ZCCHC14: variants seen among roughly 807,000 people sequenced by gnomAD.
ZCCHC14 encodes zinc finger CCHC-type containing 14, also known as zinc finger CCHC domain-containing protein 14.
In ZCCHC14, 16 loss-of-function variants were observed where a neutral mutation model predicts 85.0. The ratio of observed to expected loss-of-function variants is 0.19; its 90% CI spans 0.13 to 0.29. The LOEUF is 0.29. Ranked by LOEUF, ZCCHC14 falls within the 10% of genes least tolerant of loss-of-function variation. ZCCHC14 has a pLI of 1.00. For synonymous variants in ZCCHC14, 775 were observed against 630.7 expected (o/e 1.23, Z -3.43); for missense variants, 1,303 against 1,443.5 (o/e 0.90, Z 1.58).
At chr16:87,423,328 C>T (rs1909201122) in intron 4 of ZCCHC14, among the ~76,000 whole-genome samples, 2 of 152,144 alleles carry the variant, frequency 1.3e-5, no homozygotes, top group Non-Finnish European at 2.9e-5. Context: ...CTGCAGTGAG[C>T]TGTGATGATG....
chr16:87,421,724 G>A (rs1031403855), intron 4 of ZCCHC14, among the ~76,000 whole-genome samples: 1 of 152,186 alleles, frequency 6.6e-6, no homozygotes, highest in Non-Finnish European at 1.5e-5. Flanking sequence ...TCAGGCAGCA[G>A]CTGCCTTCAC....
At chr16:87,439,923 A>G (rs1436414033) in intron 2 of ZCCHC14, among the ~76,000 whole-genome samples, 1 of 152,220 alleles carries the variant, frequency 6.6e-6, no homozygotes, top group Non-Finnish European at 1.5e-5. Flanking sequence ...TTTAATTAAA[A>G]CGAACCAAAC....
rs925169872 is a variant in ZCCHC14 at position 87,414,280 on chromosome 16, C to T, written c.1603+134G>A. 30 of 1,330,466 alleles carry T rather than the reference C, an allele frequency of 2.3e-5. No homozygotes were observed. The Admixed American group carries it at 3.1e-4, about 14-fold the overall frequency. The allele number at this position is 1,330,466 out of a possible 1,614,324, so 82.4% of individuals were successfully genotyped here. On this transcript the variant is annotated intron_variant, in intron 10 of 12. Coordinates refer to ENST00000671377, the MANE Select transcript of ZCCHC14 (RefSeq NM_015144.3). ...ACGAGTAACCCACCTGCCCGGCACACGGGCCCTCTCTGTGTACGAGTAACC... is the reference window on the plus strand; with the variant it reads ...ACGAGTAACCCACCTGCCCGGCACATGGGCCCTCTCTGTGTACGAGTAACC...
intron 2 of ZCCHC14, among the ~76,000 whole-genome samples, chr16:87,442,651 TA>T (rs768637534): frequency 2.6e-5 from 4 of 152,114 alleles, no homozygotes; most frequent in Non-Finnish European, 4.4e-5. Context: ...AGCCTATGCA[TA>T]AGAAGCTCAA....
At position 87,408,516 on chromosome 16, in the gene ZCCHC14, G is replaced by A. The variant is rs1027572900; in HGVS notation, c.*1764C>T. 3.3e-5 allele frequency: 5 copies of A among 152,528 alleles called. No homozygotes were observed. Among genetic ancestry groups the A allele is most frequent in the African/African-American group, 1.2e-4 (5 of 41,424 alleles). The allele number at this position is 152,528 out of a possible 1,614,324, so 9.4% of individuals were successfully genotyped here. On this transcript the variant is annotated 3_prime_UTR_variant, in exon 13 of 13. Transcript: ENST00000671377. ...ATTTTGTAGTGTTTACAATTTAAGA[G>A]ATCAACGTAACATTCCCCTAAATAG...
intron 6 of ZCCHC14, 146 bp downstream of exon 6, chr16:87,419,637 T>C (rs1279635283): frequency 5.7e-6 from 3 of 529,042 alleles, no homozygotes; most frequent in Non-Finnish European, 9.2e-6. Flanking sequence ...GGTTTTTCCA[T>C]GTTGGTCAGG....
At chr16:87,431,489 A>AAAAG (rs1448126464) in intron 3 of ZCCHC14, among the ~76,000 whole-genome samples, 1 of 151,546 alleles carries the variant, frequency 6.6e-6, no homozygotes, top group African/African-American at 2.4e-5. Context: ...AAAAAAAAAA[A>AAAAG]AAGAAAAGAA....
chr16:87,435,115 T>G (rs1001706455), intron 2 of ZCCHC14, among the ~76,000 whole-genome samples: 2 of 152,136 alleles, frequency 1.3e-5, no homozygotes, highest in African/African-American at 4.8e-5. Flanking sequence ...ACATTATAAT[T>G]TTTTAAACGA....
chr16:87,486,999 A>G (rs1414907887), intron 1 of ZCCHC14, among the ~76,000 whole-genome samples: 9 of 152,270 alleles, frequency 5.9e-5, no homozygotes, highest in Admixed American at 5.9e-4. Flanking sequence ...GAAACCACTT[A>G]TACTTTGCCT....
At chr16:87,463,055 T>C (rs2150761932) in intron 1 of ZCCHC14, among the ~76,000 whole-genome samples, 1 of 146,426 alleles carries the variant, frequency 6.8e-6, no homozygotes, top group East Asian at 2.1e-4. Flanking sequence ...GCAACGAGAG[T>C]GAAACTCTGT....
chr16:87,489,292 C>G (rs1912646577), intron 1 of ZCCHC14, among the ~76,000 whole-genome samples: 1 of 152,134 alleles, frequency 6.6e-6, no homozygotes, highest in Admixed American at 6.5e-5. Context: ...TAATAATCCT[C>G]TCATTAAGGG....
intron 2 of ZCCHC14, among the ~76,000 whole-genome samples, chr16:87,443,248 C>A (rs922147419): frequency 6.6e-6 from 1 of 152,144 alleles, no homozygotes; most frequent in South Asian, 2.1e-4. Flanking sequence ...CACCTTCCAC[C>A]GGCACTGGTA....
chr16:87,480,612 C>T (rs982604268), intron 1 of ZCCHC14, among the ~76,000 whole-genome samples: 3 of 152,290 alleles, frequency 2.0e-5, no homozygotes, highest in Admixed American at 6.5e-5. Context: ...ACTTGTACTA[C>T]GGCGGCTTTT....
At chr16:87,449,513 A>C (rs909415500) in intron 2 of ZCCHC14, among the ~76,000 whole-genome samples, 12 of 152,044 alleles carry the variant, frequency 7.9e-5, no homozygotes, top group Non-Finnish European at 1.8e-4. Flanking sequence ...CCAATTCAGC[A>C]ACGCCACCAA....
chr16:87,492,907 CGCG>C lies in ZCCHC14; in HGVS notation c.-672_-670del, dbSNP rs766547110. Reference sequence around the variant, plus strand: ...CGCGGCGGACGGATCCGGGCCCGAGCGCGGCGGCGGCGGCGACGGCGACGGCGA... The same window carrying C: ...CGCGGCGGACGGATCCGGGCCCGAGCGCGGCGGCGGCGACGGCGACGGCGA... On this transcript the variant is annotated 5_prime_UTR_variant, in exon 1 of 13. Coordinates refer to ENST00000671377, the MANE Select transcript of ZCCHC14 (RefSeq NM_015144.3). This position sits in a 1 kb window ranked among gnomAD's most constrained non-coding sequence, Gnocchi z 6.7. Among the ~76,000 whole-genome samples, 47 of 148,080 alleles carry C rather than the reference CGCG, an allele frequency of 3.2e-4. No homozygotes were observed. The highest frequency in any genetic ancestry group is 9.8e-4 in the African/African-American group (40 of 40,624).
intron 2 of ZCCHC14, among the ~76,000 whole-genome samples, chr16:87,458,666 C>T (rs1341013608): frequency 6.6e-6 from 1 of 152,162 alleles, no homozygotes; most frequent in East Asian, 1.9e-4. Context: ...GTTATGAAGC[C>T]TGTGGAAGGC....
At position 87,463,184 on chromosome 16, in the gene ZCCHC14, T is replaced by A. The variant is rs539979916; in HGVS notation, c.571-3053A>T. Among the ~76,000 whole-genome samples the A allele has an allele frequency of 1.7e-4, 26 of 152,222 alleles. No homozygotes were observed. In the East Asian group the frequency reaches 4.6e-3, roughly 27 times the overall value. On this transcript the variant is annotated intron_variant, in intron 1 of 12. Transcript: ENST00000671377. The stretch of plus-strand genomic sequence containing the variant: ...ATCACTTGAGGCCACGAGTTCAAGG[T>A]CAGCCTAGGCAACATATTGAGACCC...
chr16:87,428,916 G>A (rs962619661), intron 3 of ZCCHC14, among the ~76,000 whole-genome samples: 1 of 152,216 alleles, frequency 6.6e-6, no homozygotes, highest in South Asian at 2.1e-4. Context: ...GTATTCCACT[G>A]CGTGGACATA....
Position 87,492,170 on chromosome 16 carries a change from C to A in ZCCHC14, c.69G>T (p.Pro23=), listed in dbSNP as rs1912797298. The change falls in exon 1 of 13, where the codon CCG becomes CCT. Residue 23 remains proline (P), a synonymous_variant. Transcript: ENST00000671377. This position sits in a 1 kb window ranked among gnomAD's most constrained non-coding sequence, Gnocchi z 6.7. ...VYRWFSELPS[P]QRVEFLCGLL... ...GGCCGCACAGGAACTCCACGCGCTG[C>A]GGCGACGGCAGCTCCGAGAACCAGC... The A allele has an allele frequency of 1.9e-5, 23 of 1,198,566 alleles. No individual in the cohort carries two copies. The highest frequency in any genetic ancestry group is 4.9e-5 in the Admixed American group (1 of 20,308). 74.2% of individuals were successfully genotyped at this position (1,198,566 alleles called of 1,614,324 possible).
Sources: gnomAD v4.1 joint callset for allele counts (sites outside exome capture counted in the v4.1 genomes callset) on GRCh38, gnomAD v4.1.1 for gene constraint, Gnocchi (gnomAD v3.1) non-coding constraint, MANE v1.5 for transcripts, NCBI Gene and HGNC (gene_info 2026-07-23, HGNC 2026-07-21) for gene names.